ZFHX4: variants seen among roughly 807,000 people sequenced by gnomAD.
ZFHX4 encodes zinc finger homeobox 4, also known as zinc finger homeobox protein 4.
Under a neutral mutation model 267.6 loss-of-function variants are expected in ZFHX4, and 56 were observed. The observed-to-expected ratio is 0.21, with a 90% confidence interval of 0.17 to 0.26. ZFHX4 has a LOEUF of 0.26. Ranked by LOEUF, ZFHX4 falls within the 10% of genes least tolerant of loss-of-function variation. ZFHX4 has a pLI of 1.00. For synonymous variants in ZFHX4, 1,778 were observed against 1,665.6 expected (o/e 1.07, Z -1.64); for missense variants, 4,332 against 4,420.0 (o/e 0.98, Z 0.56).
intron 3 of ZFHX4, among the ~76,000 whole-genome samples, chr8:76,711,176 T>C (rs1808412945): frequency 6.6e-6 from 1 of 152,186 alleles, no homozygotes; most frequent in South Asian, 2.1e-4. Context: ...AACAAAGCTA[T>C]ATTCATTTTT....
At chr8:76,783,968 A>G (rs1222956297) in intron 4 of ZFHX4, among the ~76,000 whole-genome samples, 2 of 152,030 alleles carry the variant, frequency 1.3e-5, no homozygotes, top group African/African-American at 2.4e-5. Context: ...TGTCTGTGAA[A>G]ATAATATACA....
chr8:76,683,016 A>G (rs1807584388), intron 1 of ZFHX4: 1 of 152,106 alleles, frequency 6.6e-6, no homozygotes, highest in East Asian at 1.9e-4. Flanking sequence ...CCCTTCCCCT[A>G]GAAGACGGTG....
At chr8:76,699,329 C>T (rs1474049912) in intron 1 of ZFHX4, among the ~76,000 whole-genome samples, 1 of 152,126 alleles carries the variant, frequency 6.6e-6, no homozygotes, top group Non-Finnish European at 1.5e-5. Context: ...TTAATATTTT[C>T]TATCCCTTTA....
At chr8:76,749,253 A>T (rs1809551421) in intron 3 of ZFHX4, among the ~76,000 whole-genome samples, 1 of 152,166 alleles carries the variant, frequency 6.6e-6, no homozygotes, top group East Asian at 1.9e-4. Context: ...TAAATTTTTC[A>T]CAAAGTACTA....
chr8:76,704,752 C>T lies in ZFHX4; in HGVS notation c.664C>T (p.Pro222Ser). 1 of 1,613,978 alleles carries T rather than the reference C, an allele frequency of 6.2e-7. No homozygotes were observed. Among genetic ancestry groups the T allele is most frequent in the Non-Finnish European group, 8.5e-7 (1 of 1,179,888 alleles). ...TACCTCAGCATTAGCAGGAGTTGGT[C>T]CTGTGTTGCACAGTTTCCGTGTCTA... is the stretch of plus-strand genomic sequence containing the variant. The part of the protein sequence containing the change: ...PNTSALAGVG[P>S]VLHSFRVYDL... The change falls in exon 2 of 11, where the codon CCT becomes TCT. Residue 222 changes from proline to serine, a missense_variant. Physicochemically the swap from Pro to Ser is moderately conservative, Grantham distance 74 (BLOSUM62 -1). This residue lies in a region of ZFHX4 where 1,195 missense variants were observed against 1,173.6 expected (regional missense o/e 1.02). Transcript: ENST00000651372.
At chr8:76,803,257 TGTGTGC>T (rs1811163648) in intron 4 of ZFHX4, among the ~76,000 whole-genome samples, 2 of 151,480 alleles carry the variant, frequency 1.3e-5, no homozygotes, top group South Asian at 4.2e-4. Context: ...TGCATGCGCG[TGTGTGC>T]GTGTGTGTGT....
At chr8:76,801,700 G>A (rs1811121354) in intron 4 of ZFHX4, among the ~76,000 whole-genome samples, 1 of 152,156 alleles carries the variant, frequency 6.6e-6, no homozygotes, top group Non-Finnish European at 1.5e-5. Flanking sequence ...AAAAGTATGT[G>A]CGGTTAGGAG....
intron 4 of ZFHX4, among the ~76,000 whole-genome samples, chr8:76,820,814 A>G (rs1410434687): frequency 6.6e-6 from 1 of 152,214 alleles, no homozygotes; most frequent in Non-Finnish European, 1.5e-5. Context: ...GTGTTGGCTC[A>G]TAGCTAGATA....
chr8:76,805,584 C>G (rs1226750069), intron 4 of ZFHX4, among the ~76,000 whole-genome samples: 1 of 149,898 alleles, frequency 6.7e-6, no homozygotes, highest in Non-Finnish European at 1.5e-5. Context: ...GTGAATGACA[C>G]TTAGGCTTTT....
At chr8:76,709,282 G>A (rs1266007128) in intron 3 of ZFHX4, among the ~76,000 whole-genome samples, 1 of 152,172 alleles carries the variant, frequency 6.6e-6, no homozygotes, top group Admixed American at 6.5e-5. Flanking sequence ...CACTCTTCCT[G>A]TGATATTGGC....
intron 3 of ZFHX4, among the ~76,000 whole-genome samples, chr8:76,742,511 T>C (rs1809346989): frequency 6.6e-6 from 1 of 152,168 alleles, no homozygotes; most frequent in Non-Finnish European, 1.5e-5. Flanking sequence ...AATACTACTC[T>C]TCAACGTTAT....
chr8:76,767,535 G>A (rs1436152127), intron 3 of ZFHX4, among the ~76,000 whole-genome samples: 4 of 152,084 alleles, frequency 2.6e-5, no homozygotes, highest in Non-Finnish European at 5.9e-5. Context: ...CACATATATT[G>A]AAGATAGGAA....
At chr8:76,859,348 TA>T (rs1453127738) in intron 10 of ZFHX4, among the ~76,000 whole-genome samples, 1 of 152,150 alleles carries the variant, frequency 6.6e-6, no homozygotes, top group Non-Finnish European at 1.5e-5. Flanking sequence ...TAGGATGAAT[TA>T]TTTTTTTCTT....
chr8:76,848,221 A>G (rs1022254333), intron 6 of ZFHX4, among the ~76,000 whole-genome samples: 1 of 152,192 alleles, frequency 6.6e-6, no homozygotes, highest in African/African-American at 2.4e-5. Context: ...AGAGGAGATT[A>G]TCGGGCAAAT....
chr8:76,838,052 C>T (rs1413231483), intron 5 of ZFHX4, among the ~76,000 whole-genome samples: 1 of 151,950 alleles, frequency 6.6e-6, no homozygotes, highest in Non-Finnish European at 1.5e-5. Flanking sequence ...TGATATTTCC[C>T]AAGATGATTT....
intron 4 of ZFHX4, among the ~76,000 whole-genome samples, chr8:76,833,034 A>G (rs1364057250): frequency 1.3e-5 from 2 of 152,174 alleles, no homozygotes; most frequent in Non-Finnish European, 2.9e-5. Flanking sequence ...CCTATAACAT[A>G]TAGGCTTGGC....
intron 4 of ZFHX4, among the ~76,000 whole-genome samples, chr8:76,814,081 A>AG (rs1811443708): frequency 1.3e-5 from 2 of 152,120 alleles, no homozygotes; most frequent in South Asian, 4.1e-4. Context: ...ATTTAAAAAA[A>AG]AGATTTTAGA....
chr8:76,787,530 C>T (rs1810722502), intron 4 of ZFHX4, among the ~76,000 whole-genome samples: 2 of 149,548 alleles, frequency 1.3e-5, no homozygotes, highest in Non-Finnish European at 3.0e-5. Context: ...TGGCCAGGTG[C>T]GGTGGCTCAT....
intron 3 of ZFHX4, among the ~76,000 whole-genome samples, chr8:76,747,714 C>T (rs376274300): frequency 1.1e-4 from 16 of 152,186 alleles, no homozygotes; most frequent in African/African-American, 3.6e-4. Context: ...GGCGGATCAC[C>T]TGAGGTCAGG....
Sources: allele counts gnomAD v4.1 joint callset (sites outside exome capture counted in the v4.1 genomes callset), GRCh38; gene constraint gnomAD v4.1.1; regional missense constraint gnomAD v4.1.1; transcripts MANE v1.5; gene names NCBI Gene and HGNC (gene_info 2026-07-23, HGNC 2026-07-21).